Variants in RIN2 observed in about 807,000 individuals in gnomAD.
RIN2 encodes RAB5 interacting protein 2.
RIN2 carries 36 observed loss-of-function variants against 78.0 expected under a neutral mutation model. The ratio of observed to expected loss-of-function variants is 0.46; its 90% CI spans 0.35 to 0.61. The LOEUF is 0.61. Ranked by LOEUF, RIN2 falls within the 20% of genes least tolerant of loss-of-function variation. The probability of loss-of-function intolerance (pLI) is 0.00; values close to 1 mark genes in which losing one functional copy is unlikely to be tolerated. For missense variants in RIN2, 1,087 were observed against 1,159.7 expected, an observed-to-expected ratio of 0.94 and a Z score of 0.91; for synonymous variants, 466 against 466.8, an observed-to-expected ratio of 1.00 and a Z score of 0.02.
intron 3 of RIN2, among the ~76,000 whole-genome samples, chr20:19,933,681 G>A (rs11696602): frequency 0.11 from 16,749 of 152,232 alleles, 1,012 homozygotes; most frequent in East Asian, 0.24. Flanking sequence ...TTAAGCGCAA[G>A]TGAAGTTTCC....
At chr20:19,935,003 T>A in intron 3 of RIN2, 96 bp from the exon 4 acceptor site, 1 of 808,632 alleles carries the variant, frequency 1.2e-6, no homozygotes, top group Non-Finnish European at 2.1e-6. Context: ...AAGATGGTCA[T>A]CTCTGTTCCT....
At chr20:19,858,216 T>C (rs913531041) in intron 2 of RIN2, among the ~76,000 whole-genome samples, 6 of 152,208 alleles carry the variant, frequency 3.9e-5, no homozygotes, top group Non-Finnish European at 8.8e-5. Context: ...AACCCCTGTT[T>C]CTTTTGCCAG....
rs574937448 is a variant in RIN2 at position 19,945,185 on chromosome 20, G to A, written c.158+9986G>A. Among the ~76,000 whole-genome samples the A allele has an allele frequency of 2.0e-5, 3 of 152,352 alleles. No homozygotes were observed. In the East Asian group the frequency reaches 5.8e-4, roughly 29 times the overall value. On this transcript the variant is annotated intron_variant, in intron 4 of 12. Transcript: ENST00000255006. Reference sequence around the variant, plus strand: ...CTCACAGTGATGAAGGGGCAGTGCTGAGGCTCTGATTCAAGTCTGACTTGG... The same window carrying A: ...CTCACAGTGATGAAGGGGCAGTGCTAAGGCTCTGATTCAAGTCTGACTTGG...
At chr20:19,774,842 A>C (rs146132649) in intron 1 of RIN2, among the ~76,000 whole-genome samples, 1 of 152,330 alleles carries the variant, frequency 6.6e-6, no homozygotes, top group African/African-American at 2.4e-5. Flanking sequence ...GTGAGACCAG[A>C]TAGGAGAAGA....
At chr20:19,996,308 C>T (rs1047041266) in intron 11 of RIN2, among the ~76,000 whole-genome samples, 10 of 151,410 alleles carry the variant, frequency 6.6e-5, no homozygotes, top group East Asian at 1.9e-4. Flanking sequence ...AGCAAGACGC[C>T]GTCTCAAAAA....
At chr20:19,883,537 C>T (rs1170834018) in intron 2 of RIN2, among the ~76,000 whole-genome samples, 2 of 151,960 alleles carry the variant, frequency 1.3e-5, no homozygotes, top group Non-Finnish European at 2.9e-5. Context: ...GAGACAGGGT[C>T]TCCCTATGTT....
intron 2 of RIN2, among the ~76,000 whole-genome samples, chr20:19,800,612 T>G (rs1424867021): frequency 2.0e-5 from 3 of 152,194 alleles, no homozygotes; most frequent in African/African-American, 7.2e-5. Flanking sequence ...GTGCTCCAGT[T>G]GACAGCCCCA....
At chr20:19,807,218 T>C (rs1366739695) in intron 2 of RIN2, among the ~76,000 whole-genome samples, 1 of 152,246 alleles carries the variant, frequency 6.6e-6, no homozygotes, top group African/African-American at 2.4e-5. Flanking sequence ...GCAAGTCACA[T>C]GGCCAAACCT....
chr20:19,956,497 C>A (rs1321863945), intron 4 of RIN2, 118 bp from the exon 5 acceptor site: 6 of 814,824 alleles, frequency 7.4e-6, no homozygotes, highest in Admixed American at 2.2e-5. Flanking sequence ...ATTAAGGGGG[C>A]GATCACAAGA....
In RIN2 at chr20:19,935,083, T is replaced by C; in HGVS notation, c.58-16T>C. 6.4e-7 allele frequency: 1 copy of C among 1,573,182 alleles called. No individual in the cohort carries two copies. The highest frequency in any genetic ancestry group is 8.6e-7 in the Non-Finnish European group (1 of 1,158,574). On this transcript the variant is annotated splice_polypyrimidine_tract_variant and intron_variant, in intron 3 of 12. Transcript: ENST00000255006. ...TCTCCACTTCCTGACGTCATACTAT[T>C]TTTGTCTTTGAATAGCTCATTGACA... is the stretch of plus-strand genomic sequence containing the variant.
chr20:20,000,409 A>G (rs1294824355), intron 12 of RIN2, among the ~76,000 whole-genome samples: 1 of 152,180 alleles, frequency 6.6e-6, no homozygotes, highest in African/African-American at 2.4e-5. Context: ...TACAGTTGCA[A>G]TGAATCATGT....
chr20:19,870,734 C>G (rs915352999), intron 2 of RIN2, among the ~76,000 whole-genome samples: 9 of 152,196 alleles, frequency 5.9e-5, no homozygotes, highest in Admixed American at 5.2e-4. Context: ...TAGGCCAGTT[C>G]TATGATGGGA....
chr20:19,852,990 C>G (rs1455550371), intron 2 of RIN2, among the ~76,000 whole-genome samples: 2 of 150,990 alleles, frequency 1.3e-5, no homozygotes, highest in African/African-American at 2.4e-5. Flanking sequence ...CCCATTAACT[C>G]GTCATTTACA....
chr20:19,925,391 A>G (rs1400933710), intron 3 of RIN2, among the ~76,000 whole-genome samples: 1 of 152,380 alleles, frequency 6.6e-6, no homozygotes, highest in Non-Finnish European at 1.5e-5. Context: ...CTTCAAGATG[A>G]GGAACTTCTT....
Position 19,889,546 on chromosome 20 carries a change from A to C in RIN2, c.-36-20A>C. On this transcript the variant is annotated intron_variant, in intron 2 of 12. Coordinates refer to ENST00000255006, the MANE Select transcript of RIN2 (RefSeq NM_018993.4). Reference sequence around the variant, plus strand: ...TTTCCTACAGGCTGGACTAACCATTAAAAATGTCTCTACCTTCAGGAGTCC... The same window carrying C: ...TTTCCTACAGGCTGGACTAACCATTCAAAATGTCTCTACCTTCAGGAGTCC... 1.3e-6 allele frequency: 2 copies of C among 1,545,672 alleles called. No individual in the cohort carries two copies. Among genetic ancestry groups the C allele is most frequent in the Non-Finnish European group, 1.8e-6 (2 of 1,142,834 alleles).
intron 3 of RIN2, among the ~76,000 whole-genome samples, chr20:19,924,866 A>C (rs1342374227): frequency 6.9e-6 from 1 of 145,984 alleles, no homozygotes; most frequent in Non-Finnish European, 1.5e-5. Flanking sequence ...CAGCCTTCCA[A>C]GTAGCTGGGA....
At chr20:19,836,047 C>T (rs969014062) in intron 2 of RIN2, among the ~76,000 whole-genome samples, 1 of 152,116 alleles carries the variant, frequency 6.6e-6, no homozygotes, top group African/African-American at 2.4e-5. Flanking sequence ...GATAAGTCGC[C>T]CTGTTCTGCA....
intron 4 of RIN2, among the ~76,000 whole-genome samples, chr20:19,951,785 C>T (rs976275651): frequency 6.6e-6 from 1 of 152,188 alleles, no homozygotes; most frequent in African/African-American, 2.4e-5. Context: ...AGGAGAGGAA[C>T]CTCATGCTTC....
At chr20:19,844,731 T>TTCTTCTTCC (rs2036726268) in intron 2 of RIN2, among the ~76,000 whole-genome samples, 1 of 149,284 alleles carries the variant, frequency 6.7e-6, no homozygotes, top group Non-Finnish European at 1.5e-5. Flanking sequence ...CTTCTTCTTC[T>TTCTTCTTCC]TCTTCTTCTT....
Sources: gnomAD v4.1 joint callset for allele counts (sites outside exome capture counted in the v4.1 genomes callset) on GRCh38, gnomAD v4.1.1 for gene constraint, MANE v1.5 for transcripts, NCBI Gene and HGNC (gene_info 2026-07-23, HGNC 2026-07-21) for gene names.